The following ACBD3 variants were observed in gnomAD, a reference collection of about 807,000 sequenced individuals.
ACBD3 encodes the protein Golgi resident protein GCP60.
A neutral mutation model predicts 66.9 loss-of-function variants in ACBD3; 30 were observed. The observed-to-expected ratio is 0.45, with a 90% CI of 0.34 to 0.61. ACBD3 has a LOEUF of 0.61. Ranked by LOEUF, ACBD3 falls within the 20% of genes least tolerant of loss-of-function variation. ACBD3 has a pLI of 0.02. For synonymous variants in ACBD3, 278 were observed against 259.8 expected (o/e 1.07, Z -0.68); for missense variants, 544 against 664.5 (o/e 0.82, Z 1.99).
At chr1:226,176,797 T>C (rs1301324882) in intron 1 of ACBD3, among the ~76,000 whole-genome samples, 3 of 152,184 alleles carry the variant, frequency 2.0e-5, no homozygotes, top group Admixed American at 2.0e-4. Context: ...CAATGTCAAA[T>C]AATCAGCAAA....
chr1:226,152,657 G>C, intron 6 of ACBD3, 38 bp from the exon 7 acceptor site: 1 of 1,581,970 alleles, frequency 6.3e-7, no homozygotes, highest in Non-Finnish European at 8.6e-7. Context: ...AAGAAAAAGA[G>C]CCTTCACCCT....
At chr1:226,158,314 G>A (rs1320010334) in intron 5 of ACBD3, among the ~76,000 whole-genome samples, 4 of 152,180 alleles carry the variant, frequency 2.6e-5, no homozygotes, top group Non-Finnish European at 5.9e-5. Context: ...TGCTTTATAA[G>A]TGAAAATTAA....
chr1:226,159,097 T>C, intron 5 of ACBD3, 87 bp downstream of exon 5: 1 of 1,482,860 alleles, frequency 6.7e-7, no homozygotes, highest in Non-Finnish European at 9.2e-7. Flanking sequence ...TAATGCAAAA[T>C]TCATTTGCGA....
intron 1 of ACBD3, among the ~76,000 whole-genome samples, chr1:226,166,826 T>C (rs543223014): frequency 2.6e-5 from 4 of 152,220 alleles, no homozygotes; most frequent in Admixed American, 1.3e-4. Context: ...TCAATACTTA[T>C]GCTAAAGCTA....
intron 1 of ACBD3, among the ~76,000 whole-genome samples, chr1:226,172,889 G>A (rs760877426): frequency 1.3e-5 from 2 of 152,142 alleles, no homozygotes; most frequent in African/African-American, 4.8e-5. Context: ...CCTGAAGGTC[G>A]AGGCTCCAAT....
intron 1 of ACBD3, among the ~76,000 whole-genome samples, chr1:226,182,444 T>C (rs967206179): frequency 2.0e-5 from 3 of 152,018 alleles, no homozygotes; most frequent in African/African-American, 7.2e-5. Flanking sequence ...TGAAACCCCA[T>C]CTCTATTAAT....
In ACBD3 at chr1:226,144,970, TTAAA is replaced by T. The variant is rs1378496343; in HGVS notation, c.*1636_*1639del. ...GCTTTTTAAAAGTTTATTTTACATT[TTAAA>T]TACAGTATTTTTCTCATAAAAAAAA... On this transcript the variant is annotated 3_prime_UTR_variant, in exon 8 of 8. Transcript: ENST00000366812. The T allele has an allele frequency of 6.6e-6, 1 of 151,866 alleles. No homozygotes were observed. The highest frequency in any genetic ancestry group is 1.5e-5 in the Non-Finnish European group (1 of 67,794). 9.4% of individuals were successfully genotyped at this position (151,866 alleles called of 1,614,324 possible).
intron 4 of ACBD3, among the ~76,000 whole-genome samples, chr1:226,159,747 C>T (rs113559963): frequency 0.019 from 2,963 of 152,294 alleles, 49 homozygotes; most frequent in Middle Eastern, 0.044. Flanking sequence ...CAAGACTATA[C>T]TGCTAGCAGA....
At position 226,145,770 on chromosome 1, in the gene ACBD3, G is replaced by A. The variant is rs1241576153; in HGVS notation, c.*840C>T. On this transcript the variant is annotated 3_prime_UTR_variant, in exon 8 of 8. Coordinates refer to ENST00000366812, the MANE Select transcript of ACBD3 (RefSeq NM_022735.4). ...TTTAATTCAGTAGGTGCCAATTTGA[G>A]TTTATAAAATCCTTAATTTTATTCT... 6.6e-6 allele frequency: 1 copy of A among 152,458 alleles called. No homozygotes were observed. The highest frequency in any genetic ancestry group is 1.5e-5 in the Non-Finnish European group (1 of 68,008). 9.4% of individuals were successfully genotyped at this position (152,458 alleles called of 1,614,324 possible).
chr1:226,164,146 A>G (rs1232883032), intron 3 of ACBD3, among the ~76,000 whole-genome samples: 2 of 146,940 alleles, frequency 1.4e-5, no homozygotes, highest in Non-Finnish European at 3.0e-5. Context: ...AAAAAAAAGT[A>G]TAACATAACC....
intron 5 of ACBD3, among the ~76,000 whole-genome samples, chr1:226,155,988 T>C (rs1659663705): frequency 6.6e-6 from 1 of 152,214 alleles, no homozygotes; most frequent in Non-Finnish European, 1.5e-5. Context: ...CAGATACTAC[T>C]TCAAATATCT....
chr1:226,147,533 C>T lies in ACBD3; in HGVS notation c.1376-712G>A, dbSNP rs113251332. 7.9e-5 allele frequency among the ~76,000 whole-genome samples: 12 copies of T among 152,324 alleles called. 1 individual carries two copies. The highest frequency in any genetic ancestry group is 2.9e-4 in the African/African-American group (12 of 41,582). On this transcript the variant is annotated intron_variant, in intron 7 of 7. Transcript: ENST00000366812. ...AAATGTTGCTCTCATCATCCTCCTTCTGACCAATATGAGTCCTCCCCATTT... is the reference window on the plus strand; with the variant it reads ...AAATGTTGCTCTCATCATCCTCCTTTTGACCAATATGAGTCCTCCCCATTT...
intron 5 of ACBD3, 100 bp from the exon 6 acceptor site, chr1:226,154,933 A>G: frequency 2.1e-6 from 2 of 948,720 alleles, no homozygotes; most frequent in African/African-American, 3.4e-5. Context: ...GCCCTACCAA[A>G]GTGCTATGCT....
intron 1 of ACBD3, among the ~76,000 whole-genome samples, chr1:226,175,926 A>G (rs1010073730): frequency 4.6e-5 from 7 of 152,240 alleles, no homozygotes; most frequent in Admixed American, 2.0e-4. Flanking sequence ...GGGCAGAATA[A>G]TGGCTCCTCA....
chr1:226,158,493 C>T (rs1659715859), intron 5 of ACBD3, among the ~76,000 whole-genome samples: 1 of 152,134 alleles, frequency 6.6e-6, no homozygotes, highest in Admixed American at 6.5e-5. Flanking sequence ...AGGACAGGTG[C>T]TTTGATTTTA....
Position 226,186,501 on chromosome 1 carries a change from C to G in ACBD3, c.175G>C (p.Glu59Gln), listed in dbSNP as rs1157402356. The G allele has an allele frequency of 2.0e-6, 3 of 1,473,368 alleles. No homozygotes were observed. The Admixed American group carries it at 7.2e-5, about 36-fold the overall frequency. 91.3% of individuals were successfully genotyped at this position (1,473,368 alleles called of 1,614,324 possible). A position where few individuals can be genotyped will look rare whatever the true frequency, so the allele number is the denominator to read the frequency against. The change falls in exon 1 of 8, where the codon GAG becomes CAG. Residue 59 changes from glutamate to glutamine, a missense_variant. By Grantham distance (29) the Glu-to-Gln change is conservative. Around this residue, in one of 3 missense-constraint regions of ACBD3, gnomAD observed 137 missense variants for 145.9 expected, o/e 0.94. Transcript: ENST00000366812. ...RGPGASGEQPEPGEAAAGGAA... is the reference protein window; with the variant it reads ...RGPGASGEQPQPGEAAAGGAA... Reference sequence around the variant, plus strand: ...CCCCCAGCCGCCGCCTCCCCGGGCTCGGGCTGCTCCCCTGAGGCGCCCGGG... The same window carrying G: ...CCCCCAGCCGCCGCCTCCCCGGGCTGGGGCTGCTCCCCTGAGGCGCCCGGG...
chr1:226,175,383 G>A (rs543703013), intron 1 of ACBD3, among the ~76,000 whole-genome samples: 1 of 152,224 alleles, frequency 6.6e-6, no homozygotes, highest in African/African-American at 2.4e-5. Context: ...AAAAGACGAA[G>A]GTAATTTCCA....
intron 1 of ACBD3, among the ~76,000 whole-genome samples, chr1:226,169,036 T>C (rs1214382431): frequency 6.6e-6 from 1 of 152,044 alleles, no homozygotes; most frequent in Non-Finnish European, 1.5e-5. Flanking sequence ...CTAGTTTTTA[T>C]ATTTTTAGCA....
At chr1:226,156,317 T>G (rs1387241871) in intron 5 of ACBD3, among the ~76,000 whole-genome samples, 2 of 152,244 alleles carry the variant, frequency 1.3e-5, no homozygotes, top group Non-Finnish European at 2.9e-5. Flanking sequence ...AACATTACTT[T>G]TATAAGCTAC....
Sources: allele counts gnomAD v4.1 joint callset (sites outside exome capture counted in the v4.1 genomes callset), GRCh38; gene constraint gnomAD v4.1.1; regional missense constraint gnomAD v4.1.1; transcripts MANE v1.5; gene names NCBI Gene and HGNC (gene_info 2026-07-23, HGNC 2026-07-21).